NAV2: variants seen among roughly 807,000 people sequenced by gnomAD.
NAV2 encodes helicase, APC down-regulated 1.
Under a neutral mutation model 223.2 loss-of-function variants are expected in NAV2, and 54 were observed. The ratio of observed to expected loss-of-function variants is 0.24; its 90% CI spans 0.19 to 0.30. NAV2 has a LOEUF of 0.30. Among genes scored for constraint, NAV2 ranks in the 10% least tolerant of loss-of-function variants. NAV2 has a pLI of 1.00. For synonymous variants in NAV2, 1,279 were observed against 1,239.3 expected (o/e 1.03, Z -0.67); for missense variants, 2,806 against 3,147.5 (o/e 0.89, Z 2.60).
intron 11 of NAV2, among the ~76,000 whole-genome samples, chr11:20,019,893 G>A (rs1243041930): frequency 6.6e-6 from 1 of 151,858 alleles, no homozygotes; most frequent in East Asian, 1.9e-4. Context: ...TCTCAGTGGA[G>A]TAGTGGGAAC....
chr11:19,512,595 G>A (rs1318672322), intron 1 of NAV2, among the ~76,000 whole-genome samples: 2 of 152,216 alleles, frequency 1.3e-5, no homozygotes, highest in African/African-American at 2.4e-5. Context: ...TAGAGTGAAA[G>A]CTCAATTAAC....
At chr11:19,843,539 C>G (rs1167560815) in intron 3 of NAV2, among the ~76,000 whole-genome samples, 9 of 152,228 alleles carry the variant, frequency 5.9e-5, no homozygotes, top group Non-Finnish European at 1.3e-4. Context: ...TATTGCATGT[C>G]CTGCACATAA....
At chr11:19,774,056 C>T (rs1360282103) in intron 1 of NAV2, among the ~76,000 whole-genome samples, 4 of 152,218 alleles carry the variant, frequency 2.6e-5, no homozygotes, top group Admixed American at 2.0e-4. Flanking sequence ...CACCCCTCTA[C>T]ACCCTTGCAC....
At position 19,595,682 on chromosome 11, in the gene NAV2, G is replaced by A. The variant is rs202185555; in HGVS notation, c.76-236802G>A. ...TGATTCTCCCACCTCAGAGCCTCCC[G>A]AGTAGCTGGGACCACAGACACACCA... On this transcript the variant is annotated intron_variant, in intron 1 of 37. Transcript: ENST00000360655. Among the ~76,000 whole-genome samples, 60 of 151,416 alleles carry A rather than the reference G, an allele frequency of 4.0e-4. 1 individual carries two copies. The East Asian group carries it at 8.8e-3, about 22-fold the overall frequency.
chr11:19,613,333 A>G (rs2046696739), intron 1 of NAV2, among the ~76,000 whole-genome samples: 2 of 152,314 alleles, frequency 1.3e-5, no homozygotes, highest in South Asian at 4.1e-4. Context: ...CGTTAGGGAA[A>G]AAAAAATCAT....
chr11:20,083,262 C>T, intron 26 of NAV2, 83 bp downstream of exon 26: 1 of 1,099,200 alleles, frequency 9.1e-7, no homozygotes, highest in Non-Finnish European at 1.3e-6. Context: ...CCTGTTATGA[C>T]ACATCTGCTC....
At chr11:19,842,421 A>G (rs1391696248) in intron 2 of NAV2, among the ~76,000 whole-genome samples, 1 of 152,214 alleles carries the variant, frequency 6.6e-6, no homozygotes, top group Non-Finnish European at 1.5e-5. Context: ...CAAAAGCAAT[A>G]TTAATCTGGC....
intron 11 of NAV2, among the ~76,000 whole-genome samples, chr11:19,997,095 G>A (rs1359014728): frequency 6.6e-6 from 1 of 152,122 alleles, no homozygotes; most frequent in Non-Finnish European, 1.5e-5. Flanking sequence ...ATTGCTTGTG[G>A]GCAACCTATG....
At chr11:19,926,112 AAAAG>A (rs1180774712) in intron 6 of NAV2, among the ~76,000 whole-genome samples, 3 of 149,756 alleles carry the variant, frequency 2.0e-5, no homozygotes, top group East Asian at 1.9e-4. Context: ...GTCTGGAAAA[AAAAG>A]AAAGTCACTG....
chr11:19,687,883 A>T (rs2049067682), intron 1 of NAV2, among the ~76,000 whole-genome samples: 1 of 152,202 alleles, frequency 6.6e-6, no homozygotes, highest in Non-Finnish European at 1.5e-5. Context: ...CTCTTGAGTT[A>T]GGACAGGTCT....
intron 22 of NAV2, among the ~76,000 whole-genome samples, chr11:20,075,482 C>G (rs2059678587): frequency 6.6e-6 from 1 of 152,056 alleles, no homozygotes; most frequent in South Asian, 2.1e-4. Context: ...ACCTCAGGGT[C>G]CGCCCGCCTT....
chr11:19,422,279 TC>T (rs1394094598), intron 1 of NAV2, among the ~76,000 whole-genome samples: 1 of 152,184 alleles, frequency 6.6e-6, no homozygotes, highest in Non-Finnish European at 1.5e-5. Context: ...GGTGGTTTAC[TC>T]TCATCTCTGC....
chr11:20,092,695 T>TC (rs1194267506), intron 28 of NAV2, among the ~76,000 whole-genome samples: 1 of 152,218 alleles, frequency 6.6e-6, no homozygotes, highest in African/African-American at 2.4e-5. Flanking sequence ...GTAGCAGGTC[T>TC]CAGTTGAGGC....
chr11:20,031,101 C>T (rs2055684053), intron 11 of NAV2, among the ~76,000 whole-genome samples: 2 of 152,194 alleles, frequency 1.3e-5, no homozygotes, highest in African/African-American at 4.8e-5. Flanking sequence ...AGGACCAGGA[C>T]ACAGGAATGG....
At chr11:19,681,626 C>T (rs1290749367) in intron 1 of NAV2, among the ~76,000 whole-genome samples, 2 of 152,190 alleles carry the variant, frequency 1.3e-5, no homozygotes, top group South Asian at 2.1e-4. Context: ...GGGATGAGCC[C>T]TTGGTCCTCC....
Position 20,095,674 on chromosome 11 carries a change from T to C in NAV2, c.5919T>C (p.Asp1973=). ...TGTGTACATTTCCTTACCCTTAGGA[T>C]TCCAGACCACATCTCTTTCTTATTG... ...SFQEEMKWKE[D]SRPHLFLIGC... Residue 1973 remains aspartate (D), a splice_region_variant and synonymous_variant, in exon 30 of 38, where the codon GAT becomes GAC. Transcript: ENST00000349880. 6.2e-7 allele frequency: 1 copy of C among 1,611,628 alleles called. No individual in the cohort carries two copies. Among genetic ancestry groups the C allele is most frequent in the Non-Finnish European group, 8.5e-7 (1 of 1,177,754 alleles).
At chr11:19,805,426 C>T (rs74668022) in intron 1 of NAV2, among the ~76,000 whole-genome samples, 3,220 of 152,250 alleles carry the variant, frequency 0.021, 115 homozygotes, top group African/African-American at 0.073. Flanking sequence ...GGGGGTTTGG[C>T]GTCCATGGCT....
chr11:19,441,444 A>G (rs1390118618), intron 1 of NAV2, among the ~76,000 whole-genome samples: 16 of 136,420 alleles, frequency 1.2e-4, no homozygotes, highest in African/African-American at 3.4e-4. Context: ...ACACACACAC[A>G]CACGCACACA....
At chr11:19,627,613 G>A (rs1353382848) in intron 1 of NAV2, among the ~76,000 whole-genome samples, 1 of 152,124 alleles carries the variant, frequency 6.6e-6, no homozygotes, top group Non-Finnish European at 1.5e-5. Context: ...AATTGGGAAA[G>A]TTAGTCACAA....
Sources: gnomAD v4.1 joint callset for allele counts (sites outside exome capture counted in the v4.1 genomes callset) on GRCh38, gnomAD v4.1.1 for gene constraint, MANE v1.5 for transcripts, NCBI Gene and HGNC (gene_info 2026-07-23, HGNC 2026-07-21) for gene names.